BACH2: variants seen among roughly 807,000 people sequenced by gnomAD.
The protein encoded by BACH2 is transcription regulator protein BACH2.
Under a neutral mutation model 61.8 loss-of-function variants are expected in BACH2, and 5 were observed. The observed-to-expected ratio is 0.08, with a 90% confidence interval of 0.04 to 0.17. The LOEUF is 0.17. Among genes scored for constraint, BACH2 ranks in the 10% least tolerant of loss-of-function variants. The pLI is 1.00. For missense variants in BACH2, 824 were observed against 1,091.1 expected (o/e 0.76, Z 3.45); for synonymous variants, 446 against 440.1 (o/e 1.01, Z -0.17).
intron 3 of BACH2, among the ~76,000 whole-genome samples, chr6:90,221,211 T>C (rs1769723536): frequency 6.6e-6 from 1 of 152,248 alleles, no homozygotes; most frequent in Non-Finnish European, 1.5e-5. Flanking sequence ...AGCAGTAATT[T>C]ATACTGTCCT....
rs1199821821 is a variant in BACH2, at chr6:89,928,047, A to G, written c.*4361T>C. 6.6e-6 allele frequency: 1 copy of G among 152,382 alleles called. No individual in the cohort carries two copies. The highest frequency in any genetic ancestry group is 1.5e-5 in the Non-Finnish European group (1 of 68,036). The allele number at this position is 152,382 out of a possible 1,614,324, so 9.4% of individuals were successfully genotyped here. ...TGTATTGTGGACTGACTCACCAGAA[A>G]TTGCACTTCCAACACAGTCTTCAGT... is the stretch of plus-strand genomic sequence containing the variant. On this transcript the variant is annotated 3_prime_UTR_variant, in exon 9 of 9. Transcript: ENST00000257749.
At chr6:90,171,341 A>T (rs965145713) in intron 4 of BACH2, among the ~76,000 whole-genome samples, 6 of 151,164 alleles carry the variant, frequency 4.0e-5, no homozygotes, top group Non-Finnish European at 5.9e-5. Flanking sequence ...TGAACCCAGG[A>T]GGTGGAGGTT....
intron 4 of BACH2, among the ~76,000 whole-genome samples, chr6:90,187,961 G>A (rs1028858079): frequency 1.3e-5 from 2 of 152,182 alleles, no homozygotes; most frequent in Non-Finnish European, 2.9e-5. Context: ...CCAGTGCTGA[G>A]GCTACGGGTC....
intron 5 of BACH2, among the ~76,000 whole-genome samples, chr6:90,013,307 T>A (rs1233502568): frequency 6.6e-6 from 1 of 152,178 alleles, no homozygotes; most frequent in Non-Finnish European, 1.5e-5. Context: ...CAATGCTGAA[T>A]AGAGGTGATG....
chr6:90,144,309 C>T (rs1784551362), intron 4 of BACH2, among the ~76,000 whole-genome samples: 1 of 151,324 alleles, frequency 6.6e-6, no homozygotes, highest in African/African-American at 2.4e-5. Context: ...TCAGTAGGCA[C>T]TCAATAAATG....
At position 89,957,833 on chromosome 6, in the gene BACH2, C is replaced by A. The variant is rs540813464; in HGVS notation, c.244-5971G>T. Among the ~76,000 whole-genome samples, 256 of 152,218 alleles carry A rather than the reference C, an allele frequency of 1.7e-3. 3 individuals are homozygous for A. The highest frequency in any genetic ancestry group is 5.9e-3 in the African/African-American group (246 of 41,548). ...GGGATTACAAGTGTTAGCCATTGTG[C>A]CTGGGCAATTTTATTATGAATTTTA... On this transcript the variant is annotated intron_variant, in intron 6 of 8. Transcript: ENST00000257749.
chr6:90,160,894 T>C (rs937143345), intron 4 of BACH2, among the ~76,000 whole-genome samples: 32 of 152,066 alleles, frequency 2.1e-4, no homozygotes, highest in Non-Finnish European at 4.6e-4. Flanking sequence ...ATAAAGACCA[T>C]CCTGGCCAAC....
intron 1 of BACH2, among the ~76,000 whole-genome samples, chr6:90,296,203 T>C (rs181483267): frequency 4.6e-5 from 7 of 151,844 alleles, no homozygotes; most frequent in East Asian, 2.0e-4. Context: ...GCCAGCAAAA[T>C]ACAATGCGCC....
At chr6:90,151,310 A>C (rs1196502656) in intron 4 of BACH2, among the ~76,000 whole-genome samples, 1 of 152,076 alleles carries the variant, frequency 6.6e-6, no homozygotes, top group Non-Finnish European at 1.5e-5. Flanking sequence ...TTTGAGACAG[A>C]GTCTTGCTCT....
intron 5 of BACH2, among the ~76,000 whole-genome samples, chr6:90,052,309 G>A (rs1285754587): frequency 6.6e-6 from 1 of 152,112 alleles, no homozygotes; most frequent in African/African-American, 2.4e-5. Flanking sequence ...TGTTTTACAT[G>A]TTTTGATGCA....
intron 4 of BACH2, among the ~76,000 whole-genome samples, chr6:90,174,236 T>G (rs1767915958): frequency 6.6e-6 from 1 of 152,030 alleles, no homozygotes; most frequent in South Asian, 2.1e-4. Context: ...TGTCTAAATT[T>G]GGGTTATTCC....
In BACH2 at chr6:89,950,191, AGTG is replaced by A. The variant is rs778717249; in HGVS notation, c.1836+76_1836+78del. On this transcript the variant is annotated intron_variant, in intron 7 of 8. Coordinates refer to ENST00000257749, the MANE Select transcript of BACH2 (RefSeq NM_021813.4). The surrounding 1 kb of genome is among the most constrained non-coding windows in gnomAD (Gnocchi z 5.3). ...TCTTAGCACGTAAGAACAATGTGGGAGTGGTGGGGGGCAGGGAGTAGTCCAGAT... is the reference window on the plus strand; with the variant it reads ...TCTTAGCACGTAAGAACAATGTGGGAGTGGGGGGCAGGGAGTAGTCCAGAT... 10 of 1,474,106 alleles carry A rather than the reference AGTG, an allele frequency of 6.8e-6. No homozygotes were observed. Among genetic ancestry groups the A allele is most frequent in the Non-Finnish European group, 9.5e-6 (10 of 1,054,040 alleles). The allele number at this position is 1,474,106 out of a possible 1,614,324, so 91.3% of individuals were successfully genotyped here.
intron 4 of BACH2, among the ~76,000 whole-genome samples, chr6:90,192,566 T>C (rs1768612311): frequency 6.6e-6 from 1 of 152,200 alleles, no homozygotes; most frequent in South Asian, 2.1e-4. Context: ...GCACTCACAA[T>C]ATCCTTTTCT....
chr6:90,284,868 T>C (rs1370916477), intron 1 of BACH2, among the ~76,000 whole-genome samples: 1 of 152,212 alleles, frequency 6.6e-6, no homozygotes, highest in African/African-American at 2.4e-5. Context: ...GTCATTCGTA[T>C]CGGCGGAAAC....
chr6:90,261,696 C>T (rs1315331134), intron 2 of BACH2, among the ~76,000 whole-genome samples: 4 of 152,174 alleles, frequency 2.6e-5, no homozygotes, highest in African/African-American at 9.6e-5. Flanking sequence ...CTTAAAAGTC[C>T]ACTTCCTAGG....
intron 5 of BACH2, among the ~76,000 whole-genome samples, chr6:90,039,340 C>T (rs1266608298): frequency 1.3e-5 from 2 of 152,138 alleles, no homozygotes; most frequent in African/African-American, 4.8e-5. Context: ...GCCAAATTGT[C>T]CTCCATTGGG....
chr6:90,139,077 T>C (rs1784377682), intron 4 of BACH2, among the ~76,000 whole-genome samples: 1 of 152,170 alleles, frequency 6.6e-6, no homozygotes, highest in South Asian at 2.1e-4. Flanking sequence ...CTTGACTTCC[T>C]TGTTTGCTCT....
At chr6:90,183,302 T>C (rs1768230572) in intron 4 of BACH2, among the ~76,000 whole-genome samples, 1 of 152,240 alleles carries the variant, frequency 6.6e-6, no homozygotes, top group Non-Finnish European at 1.5e-5. Flanking sequence ...TATCATTATG[T>C]TTACACTGAT....
intron 4 of BACH2, among the ~76,000 whole-genome samples, chr6:90,091,093 C>T (rs1274717682): frequency 1.3e-5 from 2 of 152,098 alleles, no homozygotes; most frequent in Non-Finnish European, 2.9e-5. Flanking sequence ...TCCTTATTCC[C>T]CAATAAGTTT....
Sources: gnomAD v4.1 joint callset for allele counts (sites outside exome capture counted in the v4.1 genomes callset) on GRCh38, gnomAD v4.1.1 for gene constraint, Gnocchi (gnomAD v3.1) non-coding constraint, MANE v1.5 for transcripts, NCBI Gene and HGNC (gene_info 2026-07-23, HGNC 2026-07-21) for gene names.